The following TSPOAP1 variants were observed in gnomAD, a reference collection of about 807,000 sequenced individuals.
TSPOAP1 encodes the protein TSPO associated protein 1.
Under a neutral mutation model 197.0 loss-of-function variants are expected in TSPOAP1, and 87 were observed. That is an observed-to-expected ratio of 0.44 (90% confidence interval 0.37 to 0.53). The LOEUF (loss-of-function observed/expected upper bound fraction) is 0.53. TSPOAP1 is among the 20% of genes least tolerant of loss of function. The probability of loss-of-function intolerance (pLI) is 0.00; values close to 1 mark genes in which losing one functional copy is unlikely to be tolerated. For synonymous variants in TSPOAP1, 913 were observed against 998.9 expected (o/e 0.91, Z 1.62); for missense variants, 2,174 against 2,411.3 (o/e 0.90, Z 2.06).
At chr17:58,313,981 C>T (rs1006096312) in intron 16 of TSPOAP1, among the ~76,000 whole-genome samples, 1 of 152,132 alleles carries the variant, frequency 6.6e-6, no homozygotes, top group African/African-American at 2.4e-5. Context: ...GGAAGCTGGG[C>T]ACCCAGCATG....
rs770991451 is a variant in TSPOAP1, at chr17:58,310,036, C to CTCCTCT, written c.3816_3821dup (p.Glu1273_Glu1274dup). On this transcript the variant is annotated inframe_insertion, in exon 21 of 32. Transcript: ENST00000343736. Reference sequence around the variant, plus strand: ...GGAAGGAGCAAGTCCTGGAACCCAGCTCCTCTTCCTCCTCCTCCTCCTCCT... The same window carrying CTCCTCT: ...GGAAGGAGCAAGTCCTGGAACCCAGCTCCTCTTCCTCTTCCTCCTCCTCCTCCTCCT... 1 of 1,613,706 alleles carries CTCCTCT rather than the reference C, an allele frequency of 6.2e-7. No individual in the cohort carries two copies. Among genetic ancestry groups the CTCCTCT allele is most frequent in the Non-Finnish European group, 8.5e-7 (1 of 1,180,016 alleles).
At position 58,304,420 on chromosome 17, in the gene TSPOAP1, G is replaced by A. The variant is rs1970812418; in HGVS notation, c.5545-21C>T. 1 of 1,609,272 alleles carries A rather than the reference G, an allele frequency of 6.2e-7. No individual in the cohort carries two copies. Among genetic ancestry groups the A allele is most frequent in the South Asian group, 1.1e-5 (1 of 90,992 alleles). ...GTTCTCTGAGGACAGGGAACAAAGA[G>A]AGGAGATGGGTTACCGACAGACCCG... On this transcript the variant is annotated intron_variant, in intron 30 of 31. Transcript: ENST00000343736. The surrounding 1 kb of genome is among the most constrained non-coding windows in gnomAD (Gnocchi z 4.2).
At chr17:58,302,586 T>C in intron 31 of TSPOAP1, 139 bp from the exon 32 acceptor site, 2 of 453,860 alleles carry the variant, frequency 4.4e-6, no homozygotes, top group South Asian at 4.8e-5. Context: ...GGGCCTCACC[T>C]CCCACCACTG....
chr17:58,310,505 C>T lies in TSPOAP1; in HGVS notation c.3699+7G>A. Reference sequence around the variant, plus strand: ...TGAAGTGACACAGTGTGTCCCCAAACCCCTACCTCAGCCCTGGGCCTCAGC... The same window carrying T: ...TGAAGTGACACAGTGTGTCCCCAAATCCCTACCTCAGCCCTGGGCCTCAGC... On this transcript the variant is annotated splice_region_variant and intron_variant, in intron 20 of 31. Transcript: ENST00000343736. 6.2e-7 allele frequency: 1 copy of T among 1,612,604 alleles called. No individual in the cohort carries two copies. The highest frequency in any genetic ancestry group is 8.5e-7 in the Non-Finnish European group (1 of 1,179,566).
Position 58,322,428 on chromosome 17 carries a change from T to C in TSPOAP1, c.1318-16A>G, listed in dbSNP as rs372037506. 5.6e-6 allele frequency: 9 copies of C among 1,604,772 alleles called. No individual in the cohort carries two copies. Among genetic ancestry groups the C allele is most frequent in the Admixed American group, 5.0e-5 (3 of 59,918 alleles). On this transcript the variant is annotated splice_polypyrimidine_tract_variant and intron_variant, in intron 9 of 31. Transcript: ENST00000343736. This position sits in a 1 kb window ranked among gnomAD's most constrained non-coding sequence, Gnocchi z 5.0. Reference sequence around the variant, plus strand: ...CCCGCATGTGCTGAAACACAAGATCTGAGTCAAGGCCAGAGCCCCTACTTG... The same window carrying C: ...CCCGCATGTGCTGAAACACAAGATCCGAGTCAAGGCCAGAGCCCCTACTTG...
In TSPOAP1 at chr17:58,326,782, C is replaced by T. The variant is rs1298224357; in HGVS notation, c.342G>A (p.Leu114=). ...EEVEAFLKAK[L]NMSFGDRPNL... ...TGGGCCTGTCCCCAAAGCTCATATT[C>T]AGCTTGGCCTGGCATGGGAAAGGAC... is the stretch of plus-strand genomic sequence containing the variant. Residue 114 remains leucine, a synonymous_variant, in exon 2 of 32, where the codon CTG becomes CTA. Coordinates refer to ENST00000343736, the MANE Select transcript of TSPOAP1 (RefSeq NM_004758.4). The surrounding 1 kb of genome is among the most constrained non-coding windows in gnomAD (Gnocchi z 4.7). 8.7e-6 allele frequency: 14 copies of T among 1,613,878 alleles called. No homozygotes were observed. The highest frequency in any genetic ancestry group is 3.3e-5 in the Admixed American group (2 of 59,996).
At chr17:58,310,179 C>T (rs1971037329) in intron 20 of TSPOAP1, 21 bp from the exon 21 acceptor site, 1 of 1,606,462 alleles carries the variant, frequency 6.2e-7, no homozygotes. Context: ...TGAGGCAAGG[C>T]AGGAGAGATA....
rs1971598599 is a variant in TSPOAP1, at chr17:58,326,205, T to C, written c.570+88A>G. 1 of 1,565,150 alleles carries C rather than the reference T, an allele frequency of 6.4e-7. No individual in the cohort carries two copies. Among genetic ancestry groups the C allele is most frequent in the Non-Finnish European group, 8.6e-7 (1 of 1,156,646 alleles). On this transcript the variant is annotated intron_variant, in intron 3 of 31. Coordinates refer to ENST00000343736, the MANE Select transcript of TSPOAP1 (RefSeq NM_004758.4). This position sits in a 1 kb window ranked among gnomAD's most constrained non-coding sequence, Gnocchi z 4.7. ...CTAGGTGCTGAGCTGAGACCGTGACTCCCAAGCTTCAGACAGCCCTCAGGC... is the reference window on the plus strand; with the variant it reads ...CTAGGTGCTGAGCTGAGACCGTGACCCCCAAGCTTCAGACAGCCCTCAGGC...
Position 58,315,128 on chromosome 17 carries a change from T to A in TSPOAP1, c.2098+895A>T, listed in dbSNP as rs546185523. Among the ~76,000 whole-genome samples the A allele has an allele frequency of 2.6e-5, 4 of 152,298 alleles. No homozygotes were observed. In the East Asian group the frequency reaches 5.8e-4, roughly 22 times the overall value. On this transcript the variant is annotated intron_variant, in intron 16 of 31. Transcript: ENST00000343736. The stretch of plus-strand genomic sequence containing the variant: ...TTTCCTGAAAGCTTTTTAATTCTGA[T>A]CTTCATAATCTACCCCTGTAGGGAG...
chr17:58,310,012 G>A lies in TSPOAP1; in HGVS notation c.3846C>T (p.Phe1282=). ...TGCTGTTGCCAGCAACCTGCTTCTGGAAGGAGCAAGTCCTGGAACCCAGCT... is the reference window on the plus strand; with the variant it reads ...TGCTGTTGCCAGCAACCTGCTTCTGAAAGGAGCAAGTCCTGGAACCCAGCT... ...EEELGSRTCS[F]QKQVAGNSIR... Residue 1282 remains phenylalanine (F), a synonymous_variant, in exon 21 of 32, where the codon TTC becomes TTT. Transcript: ENST00000343736. 1 of 1,613,732 alleles carries A rather than the reference G, an allele frequency of 6.2e-7. No homozygotes were observed. Among genetic ancestry groups the A allele is most frequent in the African/African-American group, 1.3e-5 (1 of 75,046 alleles).
intron 14 of TSPOAP1, among the ~76,000 whole-genome samples, chr17:58,317,657 G>T (rs1003042953): frequency 6.6e-6 from 1 of 152,162 alleles, no homozygotes; most frequent in Non-Finnish European, 1.5e-5. Flanking sequence ...CCACCTTCTG[G>T]GGTTTGTGGG....
intron 27 of TSPOAP1, 74 bp downstream of exon 27, chr17:58,305,759 A>C: frequency 6.3e-7 from 1 of 1,584,434 alleles, no homozygotes; most frequent in Non-Finnish European, 8.6e-7. Context: ...AGCTGTAGCC[A>C]ATGGGGCGAG....
intron 10 of TSPOAP1, among the ~76,000 whole-genome samples, chr17:58,320,799 A>G (rs577504277): frequency 6.6e-6 from 1 of 152,188 alleles, no homozygotes; most frequent in Admixed American, 6.5e-5. Context: ...TTAGACCAGA[A>G]GGCAAAGGGG....
intron 24 of TSPOAP1, 184 bp downstream of exon 24, chr17:58,307,427 G>A (rs1480420350): frequency 9.5e-6 from 7 of 736,492 alleles, no homozygotes; most frequent in Admixed American, 2.9e-5. Flanking sequence ...GGCCCAGGGG[G>A]CCTAGGTAAT....
chr17:58,311,195 G>A lies in TSPOAP1; in HGVS notation c.3100C>T (p.Pro1034Ser), dbSNP rs765211949. ...DGQKIMEVAS[P>S]TAGSVLVELS... ...TCCACCAGTACACTGCCTGCCGTGGGTGAGGCCACCTCCATGATCTGCAGG... is the reference window on the plus strand; with the variant it reads ...TCCACCAGTACACTGCCTGCCGTGGATGAGGCCACCTCCATGATCTGCAGG... The change falls in exon 19 of 32, where the codon CCC becomes TCC. Residue 1034 changes from proline (P) to serine (S), a missense_variant. Physicochemically the swap from Pro to Ser is moderately conservative, Grantham distance 74 (BLOSUM62 -1). Coordinates refer to ENST00000343736, the MANE Select transcript of TSPOAP1 (RefSeq NM_004758.4). 1.2e-6 allele frequency: 2 copies of A among 1,611,800 alleles called. No homozygotes were observed. Among genetic ancestry groups the A allele is most frequent in the Non-Finnish European group, 1.7e-6 (2 of 1,179,728 alleles).
rs1488625130 is a variant in TSPOAP1, at chr17:58,328,002, C to T, written c.-82G>A. 3 of 1,221,570 alleles carry T rather than the reference C, an allele frequency of 2.5e-6. No individual in the cohort carries two copies. Among genetic ancestry groups the T allele is most frequent in the African/African-American group, 3.0e-5 (2 of 65,938 alleles). The allele number at this position is 1,221,570 out of a possible 1,614,324, so 75.7% of individuals were successfully genotyped here. On this transcript the variant is annotated 5_prime_UTR_variant, in exon 1 of 32. Coordinates refer to ENST00000343736, the MANE Select transcript of TSPOAP1 (RefSeq NM_004758.4). This position sits in a 1 kb window ranked among gnomAD's most constrained non-coding sequence, Gnocchi z 4.3. ...GGGACTGGCGAGGGTCATGCCAGGC[C>T]AGCCCCTCTCCCCTCTGAGCTCTTG...
chr17:58,307,112 AAAG>A (rs1970922218), intron 24 of TSPOAP1, 144 bp from the exon 25 acceptor site: 4 of 872,058 alleles, frequency 4.6e-6, no homozygotes, highest in Non-Finnish European at 1.7e-6. Context: ...GGAAAACAGC[AAAG>A]AACAGGATCA....
intron 1 of TSPOAP1, 96 bp downstream of exon 1, chr17:58,327,492 T>C (rs74906753): frequency 0.035 from 44,258 of 1,258,834 alleles, 888 homozygotes; most frequent in East Asian, 0.057. Context: ...CAGGTGGGCA[T>C]TGGGGATGCA....
Position 58,310,090 on chromosome 17 carries a change from G to A in TSPOAP1, c.3768C>T (p.Asp1256=). 6.2e-7 allele frequency: 1 copy of A among 1,613,388 alleles called. No homozygotes were observed. The highest frequency in any genetic ancestry group is 8.5e-7 in the Non-Finnish European group (1 of 1,180,020). The change falls in exon 21 of 32, where the codon GAC becomes GAT. Residue 1256 remains aspartate (D), a synonymous_variant. Transcript: ENST00000343736. ...CCTCTTCCTCCTGGATGTCTGACAG[G>A]TCTGAGTTGCGGCCGTGGTCCACGA... ...NSLVDHGRNS[D]LSDIQEEEEE...
Sources: gnomAD v4.1 joint callset for allele counts (sites outside exome capture counted in the v4.1 genomes callset) on GRCh38, gnomAD v4.1.1 for gene constraint, Gnocchi (gnomAD v3.1) non-coding constraint, MANE v1.5 for transcripts, NCBI Gene and HGNC (gene_info 2026-07-23, HGNC 2026-07-21) for gene names.